The following DCC variants were observed in gnomAD, a reference collection of about 807,000 sequenced individuals.
DCC encodes the protein netrin receptor DCC.
In DCC, 58 loss-of-function variants were observed where a neutral mutation model predicts 172.5. That is an observed-to-expected ratio of 0.34 (90% CI 0.27 to 0.42). The LOEUF (loss-of-function observed/expected upper bound fraction) is 0.42. Ranked by LOEUF, DCC falls within the 10% of genes least tolerant of loss-of-function variation. The probability of loss-of-function intolerance (pLI) is 1.00; values close to 1 mark genes in which losing one functional copy is unlikely to be tolerated. For synonymous variants in DCC, 709 were observed against 644.5 expected (o/e 1.10, Z -1.52); for missense variants, 1,740 against 1,791.0 (o/e 0.97, Z 0.51).
rs2042524441 is a variant in DCC at position 53,063,474 on chromosome 18, T to G, written c.1140+15T>G. Reference sequence around the variant, plus strand: ...TTCAGATAGTGGTAATTATTTTGTTTCATATTTGTTTTATAATCCCATTCA... The same window carrying G: ...TTCAGATAGTGGTAATTATTTTGTTGCATATTTGTTTTATAATCCCATTCA... On this transcript the variant is annotated intron_variant, in intron 6 of 28. Transcript: ENST00000442544. The G allele has an allele frequency of 6.3e-7, 1 of 1,577,692 alleles. No homozygotes were observed. Among genetic ancestry groups the G allele is most frequent in the East Asian group, 2.2e-5 (1 of 44,658 alleles).
intron 7 of DCC, among the ~76,000 whole-genome samples, chr18:53,080,491 T>C (rs1455985836): frequency 6.6e-6 from 1 of 152,116 alleles, no homozygotes; most frequent in African/African-American, 2.4e-5. Flanking sequence ...AACTATGATA[T>C]TGTAAAAGGT....
At chr18:53,224,397 C>T (rs562572143) in intron 12 of DCC, among the ~76,000 whole-genome samples, 1 of 152,154 alleles carries the variant, frequency 6.6e-6, no homozygotes, top group East Asian at 1.9e-4. Flanking sequence ...CCGGCCAGAT[C>T]TGGCGGGGCT....
At chr18:53,448,829 G>C (rs1568138504) in intron 22 of DCC, among the ~76,000 whole-genome samples, 1 of 152,150 alleles carries the variant, frequency 6.6e-6, no homozygotes. Flanking sequence ...CTCCAGCATG[G>C]GTGATAGAGC....
At chr18:53,011,144 A>T (rs1392932064) in intron 5 of DCC, among the ~76,000 whole-genome samples, 12 of 151,580 alleles carry the variant, frequency 7.9e-5, no homozygotes, top group Admixed American at 7.9e-4. Context: ...AAACAAGAGT[A>T]TGTAAATAAT....
At chr18:52,759,080 G>A (rs967771908) in intron 2 of DCC, 2 of 152,060 alleles carry the variant, frequency 1.3e-5, no homozygotes, top group South Asian at 4.1e-4. Flanking sequence ...AATAAATGTG[G>A]TCTTATAAGT....
chr18:53,333,966 T>G (rs192023648), intron 14 of DCC, among the ~76,000 whole-genome samples: 1 of 152,330 alleles, frequency 6.6e-6, no homozygotes, highest in African/African-American at 2.4e-5. Flanking sequence ...AAATCTCACC[T>G]GTGTTTCCTC....
chr18:53,305,095 C>A (rs888271188), intron 12 of DCC, among the ~76,000 whole-genome samples: 1 of 152,170 alleles, frequency 6.6e-6, no homozygotes, highest in African/African-American at 2.4e-5. Context: ...TTGCACTCTG[C>A]CATGATTGTG....
chr18:53,143,126 G>T (rs2043854975), intron 7 of DCC, among the ~76,000 whole-genome samples: 1 of 152,042 alleles, frequency 6.6e-6, no homozygotes, highest in Admixed American at 6.6e-5. Flanking sequence ...GTTGGCCAGG[G>T]TTTTACTCTG....
At chr18:52,983,928 G>A (rs1288892668) in intron 5 of DCC, among the ~76,000 whole-genome samples, 4 of 152,018 alleles carry the variant, frequency 2.6e-5, no homozygotes. Context: ...TTTTCATATG[G>A]CACTGAGCTG....
intron 1 of DCC, among the ~76,000 whole-genome samples, chr18:52,570,564 A>T (rs1478445771): frequency 6.6e-6 from 1 of 152,200 alleles, no homozygotes; most frequent in East Asian, 1.9e-4. Flanking sequence ...CAATAACAAC[A>T]ATTTTTAGGG....
At chr18:53,219,856 C>A (rs2055904422) in intron 12 of DCC, among the ~76,000 whole-genome samples, 1 of 152,138 alleles carries the variant, frequency 6.6e-6, no homozygotes, top group Non-Finnish European at 1.5e-5. Flanking sequence ...CTCTGCAAAG[C>A]AAACTGATCA....
chr18:52,804,126 A>G (rs1335950997), intron 2 of DCC, among the ~76,000 whole-genome samples: 1 of 152,102 alleles, frequency 6.6e-6, no homozygotes, highest in African/African-American at 2.4e-5. Flanking sequence ...CACAATTTTT[A>G]CCTCCAATAT....
intron 2 of DCC, among the ~76,000 whole-genome samples, chr18:52,785,248 A>C (rs2037633939): frequency 6.6e-6 from 1 of 152,074 alleles, no homozygotes; most frequent in Non-Finnish European, 1.5e-5. Context: ...TGCTATCTTT[A>C]ACATGTGTAG....
chr18:53,244,791 T>G (rs1401285843), intron 12 of DCC, among the ~76,000 whole-genome samples: 1 of 152,120 alleles, frequency 6.6e-6, no homozygotes, highest in Non-Finnish European at 1.5e-5. Flanking sequence ...AGTCACAATT[T>G]GGAATCTGGT....
At chr18:53,216,906 T>G (rs1471606780) in intron 12 of DCC, among the ~76,000 whole-genome samples, 1 of 152,146 alleles carries the variant, frequency 6.6e-6, no homozygotes, top group Non-Finnish European at 1.5e-5. Context: ...ATGTGCCACT[T>G]AAATTAAGAG....
chr18:53,230,444 G>A (rs529160601), intron 12 of DCC, among the ~76,000 whole-genome samples: 40 of 152,120 alleles, frequency 2.6e-4, no homozygotes, highest in Non-Finnish European at 4.7e-4. Context: ...AGGGACTCCA[G>A]CGTATCATTT....
At chr18:52,860,096 A>G (rs1049760111) in intron 2 of DCC, among the ~76,000 whole-genome samples, 2 of 152,252 alleles carry the variant, frequency 1.3e-5, no homozygotes, top group Admixed American at 6.5e-5. Context: ...CATCTCTAAT[A>G]AGAGGCATTT....
intron 2 of DCC, among the ~76,000 whole-genome samples, chr18:52,873,690 C>T (rs540587800): frequency 6.6e-6 from 1 of 152,232 alleles, no homozygotes; most frequent in African/African-American, 2.4e-5. Context: ...TCCTAAACTA[C>T]GTTGCTGTCT....
At chr18:52,424,858 TTTATG>T (rs1232600371) in intron 1 of DCC, among the ~76,000 whole-genome samples, 1 of 151,972 alleles carries the variant, frequency 6.6e-6, no homozygotes, top group Admixed American at 6.6e-5. Flanking sequence ...AAGTATCTTA[TTTATG>T]TTATATTTCT....
Sources: allele counts gnomAD v4.1 joint callset (sites outside exome capture counted in the v4.1 genomes callset), GRCh38; gene constraint gnomAD v4.1.1; transcripts MANE v1.5; gene names NCBI Gene and HGNC (gene_info 2026-07-23, HGNC 2026-07-21).